Variants in TMTC2 observed in about 807,000 individuals in gnomAD.
TMTC2 encodes transmembrane O-mannosyltransferase targeting cadherins 2.
In TMTC2, 43 loss-of-function variants were observed where a neutral mutation model predicts 82.4. The observed-to-expected ratio is 0.52, with a 90% CI of 0.41 to 0.67. The LOEUF is 0.67. Among genes scored for constraint, TMTC2 ranks in the 30% least tolerant of loss-of-function variants. The pLI is 0.00. For synonymous variants in TMTC2, 408 were observed against 381.9 expected, an observed-to-expected ratio of 1.07 and a Z score of -0.80; for missense variants, 919 against 1,012.4, an observed-to-expected ratio of 0.91 and a Z score of 1.25.
Position 82,765,356 on chromosome 12 carries a change from A to G in TMTC2, c.83+77687A>G, listed in dbSNP as rs143484300. 4.4e-3 allele frequency among the ~76,000 whole-genome samples: 665 copies of G among 152,216 alleles called. 1 individual carries two copies. Among genetic ancestry groups the G allele is most frequent in the African/African-American group, 0.015 (633 of 41,526 alleles). The stretch of plus-strand genomic sequence containing the variant: ...GTTCTCAATTTCTCTCCTTCCCCCA[A>G]ACAGACTAATGACTCCCTAAAAACA... On this transcript the variant is annotated intron_variant, in intron 1 of 11. Coordinates refer to ENST00000321196, the MANE Select transcript of TMTC2 (RefSeq NM_152588.3).
chr12:82,999,254 G>C (rs73148412), intron 8 of TMTC2, among the ~76,000 whole-genome samples: 10,693 of 152,186 alleles, frequency 0.07, 511 homozygotes, highest in African/African-American at 0.13. Context: ...TTTGTAGAAT[G>C]TTCCTCAGTT....
intron 8 of TMTC2, among the ~76,000 whole-genome samples, chr12:83,020,732 T>C (rs182820421): frequency 1.3e-5 from 2 of 152,132 alleles, no homozygotes; most frequent in African/African-American, 4.8e-5. Flanking sequence ...TATCAAATTA[T>C]CTCCACTGAA....
At chr12:82,998,762 C>T (rs557077813) in intron 8 of TMTC2, among the ~76,000 whole-genome samples, 57 of 151,852 alleles carry the variant, frequency 3.8e-4, no homozygotes, top group Non-Finnish European at 6.8e-4. Context: ...TAAGTTTTAT[C>T]TTATGAATTT....
At chr12:82,953,663 A>T (rs1877466259) in intron 4 of TMTC2, among the ~76,000 whole-genome samples, 1 of 152,340 alleles carries the variant, frequency 6.6e-6, no homozygotes, top group Non-Finnish European at 1.5e-5. Context: ...TAAGTTATGT[A>T]AAATCTCATT....
At chr12:82,971,101 C>T (rs1313028842) in intron 7 of TMTC2, among the ~76,000 whole-genome samples, 1 of 152,036 alleles carries the variant, frequency 6.6e-6, no homozygotes, top group Non-Finnish European at 1.5e-5. Flanking sequence ...ATGGAAGACT[C>T]ATATCTTAAA....
chr12:83,035,374 G>A (rs1247102286), intron 9 of TMTC2, among the ~76,000 whole-genome samples: 1 of 152,176 alleles, frequency 6.6e-6, no homozygotes, highest in East Asian at 1.9e-4. Flanking sequence ...AGTTAGTTCA[G>A]TCAGTTGGTT....
intron 3 of TMTC2, among the ~76,000 whole-genome samples, chr12:82,924,215 A>G (rs746525553): frequency 1.3e-5 from 2 of 152,228 alleles, no homozygotes; most frequent in Non-Finnish European, 2.9e-5. Context: ...ACTCTGAGGC[A>G]TCTCATTATA....
At chr12:82,865,230 G>A (rs1871784506) in intron 2 of TMTC2, among the ~76,000 whole-genome samples, 1 of 151,932 alleles carries the variant, frequency 6.6e-6, no homozygotes, top group Non-Finnish European at 1.5e-5. Context: ...CCGATAAAGA[G>A]TCAAGACCCA....
chr12:82,857,715 TG>T, intron 2 of TMTC2, 135 bp downstream of exon 2: 9 of 765,794 alleles, frequency 1.2e-5, no homozygotes, highest in Non-Finnish European at 1.6e-5. Context: ...CTTCAGTAAG[TG>T]GAAGTGTCCT....
intron 1 of TMTC2, among the ~76,000 whole-genome samples, chr12:82,778,722 G>A (rs530899050): frequency 3.3e-5 from 5 of 150,620 alleles, no homozygotes; most frequent in Admixed American, 2.0e-4. Flanking sequence ...AGTGGCGGGC[G>A]CCTGTAGTCC....
chr12:82,871,843 T>G (rs536106964), intron 2 of TMTC2, among the ~76,000 whole-genome samples: 1 of 152,178 alleles, frequency 6.6e-6, no homozygotes, highest in South Asian at 2.1e-4. Context: ...TATTAATACA[T>G]ATGTACTGTT....
chr12:82,804,147 A>G (rs1879138290), intron 1 of TMTC2, among the ~76,000 whole-genome samples: 1 of 152,146 alleles, frequency 6.6e-6, no homozygotes, highest in Admixed American at 6.6e-5. Context: ...AGCTTCAGAG[A>G]GCAGAATGAG....
chr12:82,976,766 G>A (rs1277220259), intron 7 of TMTC2, among the ~76,000 whole-genome samples: 3 of 151,980 alleles, frequency 2.0e-5, no homozygotes, highest in East Asian at 3.9e-4. Flanking sequence ...AGGGAGACTC[G>A]CTAATGTTTC....
At chr12:83,102,559 A>C (rs1884256482) in intron 11 of TMTC2, among the ~76,000 whole-genome samples, 2 of 152,224 alleles carry the variant, frequency 1.3e-5, no homozygotes, top group South Asian at 2.1e-4. Context: ...ATAGTAAAAA[A>C]TAAACTGTGG....
chr12:83,048,719 A>C (rs1882232609), intron 9 of TMTC2, among the ~76,000 whole-genome samples: 1 of 152,218 alleles, frequency 6.6e-6, no homozygotes, highest in Non-Finnish European at 1.5e-5. Context: ...CCCAGGCTGA[A>C]GTGCAGTGGC....
At chr12:82,929,378 TTGTTTA>T (rs1875901680) in intron 3 of TMTC2, among the ~76,000 whole-genome samples, 1 of 152,172 alleles carries the variant, frequency 6.6e-6, no homozygotes, top group Non-Finnish European at 1.5e-5. Flanking sequence ...CTTAAACAGC[TTGTTTA>T]TATTAACACA....
At chr12:82,781,559 C>T (rs995245216) in intron 1 of TMTC2, among the ~76,000 whole-genome samples, 2 of 151,758 alleles carry the variant, frequency 1.3e-5, no homozygotes, top group African/African-American at 2.4e-5. Flanking sequence ...TTCTTGGTTG[C>T]CATTGCGATG....
At chr12:82,829,852 T>C (rs771308784) in intron 1 of TMTC2, among the ~76,000 whole-genome samples, 7 of 152,006 alleles carry the variant, frequency 4.6e-5, no homozygotes, top group Non-Finnish European at 8.8e-5. Flanking sequence ...TAGGCAAGGA[T>C]TAGCTTTAGA....
intron 2 of TMTC2, among the ~76,000 whole-genome samples, chr12:82,892,617 T>C (rs1016700564): frequency 1.3e-5 from 2 of 152,242 alleles, no homozygotes; most frequent in African/African-American, 4.8e-5. Context: ...TCTGACCATG[T>C]TTCCTCCTTC....
Sources: gnomAD v4.1 joint callset for allele counts (sites outside exome capture counted in the v4.1 genomes callset) on GRCh38, gnomAD v4.1.1 for gene constraint, MANE v1.5 for transcripts, NCBI Gene and HGNC (gene_info 2026-07-23, HGNC 2026-07-21) for gene names.